SHISA9: variants seen among roughly 807,000 people sequenced by gnomAD.
SHISA9 encodes protein shisa-9.
A neutral mutation model predicts 38.0 loss-of-function variants in SHISA9; 13 were observed. The ratio of observed to expected loss-of-function variants is 0.34; its 90% CI spans 0.22 to 0.54. SHISA9 has a LOEUF of 0.54. SHISA9 is among the 20% of genes least tolerant of loss of function. SHISA9 has a pLI of 0.91. For synonymous variants in SHISA9, 275 were observed against 242.0 expected (o/e 1.14, Z -1.27); for missense variants, 538 against 575.8 (o/e 0.93, Z 0.67).
intron 2 of SHISA9, among the ~76,000 whole-genome samples, chr16:13,063,870 GC>G (rs2073404054): frequency 6.6e-6 from 1 of 152,166 alleles, no homozygotes; most frequent in Non-Finnish European, 1.5e-5. Context: ...TCTTTGCGTA[GC>G]CCTAACCCAT....
the SHISA9 span, among the ~76,000 whole-genome samples, chr16:13,476,847 T>C: frequency 6.7e-6 from 1 of 149,964 alleles, no homozygotes; most frequent in Non-Finnish European, 1.5e-5. Context: ...CTCCCTGGTT[T>C]ACGCCATTCT....
the SHISA9 span, among the ~76,000 whole-genome samples, chr16:13,520,442 A>G: frequency 6.6e-6 from 1 of 151,266 alleles, no homozygotes; most frequent in African/African-American, 2.4e-5. Flanking sequence ...TACTAAAAAT[A>G]CAAAAAAAAA....
chr16:13,407,315 G>A, the SHISA9 span, among the ~76,000 whole-genome samples: 34 of 152,188 alleles, frequency 2.2e-4, 1 homozygote, highest in Admixed American at 1.8e-3. Context: ...GAGAGACAGC[G>A]CTGGTCTCTC....
chr16:13,529,488 A>G, the SHISA9 span, among the ~76,000 whole-genome samples: 2 of 152,218 alleles, frequency 1.3e-5, no homozygotes, highest in African/African-American at 2.4e-5. Context: ...GGGCCAATGC[A>G]TAATCTCCAT....
chr16:13,410,983 A>T, the SHISA9 span, among the ~76,000 whole-genome samples: 1 of 152,200 alleles, frequency 6.6e-6, no homozygotes, highest in African/African-American at 2.4e-5. Context: ...GTGTTAAAAA[A>T]ATATTAGGAG....
At chr16:13,176,551 G>C (rs529127943) in intron 2 of SHISA9, among the ~76,000 whole-genome samples, 2 of 152,216 alleles carry the variant, frequency 1.3e-5, no homozygotes, top group Non-Finnish European at 2.9e-5. Flanking sequence ...ACAGACACTG[G>C]GAAGTCCAGC....
the SHISA9 span, among the ~76,000 whole-genome samples, chr16:13,434,551 G>T: frequency 3.1e-4 from 47 of 151,578 alleles, no homozygotes; most frequent in Admixed American, 7.9e-4. Flanking sequence ...CCGAGTAGCT[G>T]GGACTACAGG....
chr16:13,180,082 T>C (rs2050764246), intron 2 of SHISA9, among the ~76,000 whole-genome samples: 1 of 152,216 alleles, frequency 6.6e-6, no homozygotes, highest in African/African-American at 2.4e-5. Context: ...GAACTTAAGA[T>C]GTAGAACTCC....
At chr16:13,405,941 CA>C in the SHISA9 span, among the ~76,000 whole-genome samples, 52,393 of 105,340 alleles carry the variant, frequency 0.5, 9,388 homozygotes, top group Non-Finnish European at 0.51. Flanking sequence ...GAAATCATGA[CA>C]AAAAAAAAAA....
At chr16:13,482,884 A>T in the SHISA9 span, among the ~76,000 whole-genome samples, 1 of 151,682 alleles carries the variant, frequency 6.6e-6, no homozygotes, top group South Asian at 2.1e-4. Flanking sequence ...AGATCTGTCT[A>T]ACTCTACTGC....
chr16:12,915,715 G>T (rs1402656487), intron 1 of SHISA9, among the ~76,000 whole-genome samples: 2 of 152,184 alleles, frequency 1.3e-5, no homozygotes, highest in African/African-American at 2.4e-5. Flanking sequence ...CGGCTGCAAG[G>T]GATGGAAGGG....
the SHISA9 span, among the ~76,000 whole-genome samples, chr16:13,417,525 T>C: frequency 1.3e-5 from 2 of 152,240 alleles, no homozygotes; most frequent in African/African-American, 4.8e-5. Flanking sequence ...TTGTTAGCTA[T>C]TGAGTTTTCA....
chr16:13,412,691 T>C, the SHISA9 span, among the ~76,000 whole-genome samples: 1 of 152,006 alleles, frequency 6.6e-6, no homozygotes, highest in Non-Finnish European at 1.5e-5. Flanking sequence ...ACCCCATCTC[T>C]ACTATAATAC....
intron 4 of SHISA9, among the ~76,000 whole-genome samples, chr16:13,233,949 G>A (rs2051356630): frequency 6.6e-6 from 1 of 152,168 alleles, no homozygotes; most frequent in Non-Finnish European, 1.5e-5. Flanking sequence ...GCTGCAGTGA[G>A]CTATGATTGT....
chr16:12,915,806 T>C (rs1336184144), intron 1 of SHISA9, among the ~76,000 whole-genome samples: 2 of 152,196 alleles, frequency 1.3e-5, no homozygotes, highest in African/African-American at 4.8e-5. Context: ...AAACACTGTT[T>C]ATGTAAAAGA....
chr16:13,380,025 T>G, the SHISA9 span, among the ~76,000 whole-genome samples: 1 of 152,040 alleles, frequency 6.6e-6, no homozygotes, highest in African/African-American at 2.4e-5. Flanking sequence ...TAAATAAGCA[T>G]AAGAGTTGGA....
chr16:13,210,734 AC>A (rs958607591), intron 3 of SHISA9, among the ~76,000 whole-genome samples: 8 of 152,000 alleles, frequency 5.3e-5, no homozygotes, highest in Non-Finnish European at 1.0e-4. Flanking sequence ...AGGCATCAGT[AC>A]CCCCCGTTTT....
At chr16:13,015,907 TTTTC>T (rs1260025421) in intron 2 of SHISA9, among the ~76,000 whole-genome samples, 2 of 61,644 alleles carry the variant, frequency 3.2e-5, no homozygotes, top group Non-Finnish European at 8.5e-5. Context: ...TCTTTCTTTC[TTTTC>T]TTTCTTTCTC....
rs564489684 is a variant in SHISA9 at position 12,914,029 on chromosome 16, C to G, written c.564-2659C>G. Among the ~76,000 whole-genome samples the G allele has an allele frequency of 5.7e-3, 831 of 146,842 alleles. 10 individuals carry two copies. Among genetic ancestry groups the G allele is most frequent in the African/African-American group, 0.02 (806 of 39,684 alleles). ...ATTTGCAGCCCTCGTTTATTTATTT[C>G]TTTTTTGTTTGTTTTTCTTTTTTTT... On this transcript the variant is annotated intron_variant, in intron 1 of 4. Transcript: ENST00000558583.
Sources: allele counts gnomAD v4.1 joint callset (sites outside exome capture counted in the v4.1 genomes callset), GRCh38; gene constraint gnomAD v4.1.1; transcripts MANE v1.5; gene names NCBI Gene and HGNC (gene_info 2026-07-23, HGNC 2026-07-21).